The following TAFA1 variants were observed in gnomAD, a reference collection of about 807,000 sequenced individuals.
TAFA1 encodes chemokine-like protein TAFA-1.
Under a neutral mutation model 18.5 loss-of-function variants are expected in TAFA1, and 4 were observed. That is an observed-to-expected ratio of 0.22 (90% confidence interval 0.11 to 0.49). The LOEUF (loss-of-function observed/expected upper bound fraction) is 0.49, where lower values mean the gene tolerates loss of function less well. Ranked by LOEUF, TAFA1 falls within the 20% of genes least tolerant of loss-of-function variation. The probability of loss-of-function intolerance (pLI) is 0.98; values close to 1 mark genes in which losing one functional copy is unlikely to be tolerated. For missense variants in TAFA1, 147 were observed against 169.0 expected (o/e 0.87, Z 0.72); for synonymous variants, 56 against 55.2 (o/e 1.01, Z -0.06).
chr3:68,521,856 GTT>G (rs57372768), intron 3 of TAFA1, among the ~76,000 whole-genome samples: 5 of 70,844 alleles, frequency 7.1e-5, no homozygotes, highest in Admixed American at 4.9e-4. Context: ...GTTTTTTTCT[GTT>G]TTTTTTTTTT....
intron 2 of TAFA1, among the ~76,000 whole-genome samples, chr3:68,292,842 C>T (rs915266344): frequency 1.3e-5 from 2 of 152,130 alleles, no homozygotes; most frequent in Non-Finnish European, 2.9e-5. Flanking sequence ...TGTATCTGGC[C>T]TCTTTTCATT....
At chr3:68,497,322 C>T (rs894448818) in intron 3 of TAFA1, among the ~76,000 whole-genome samples, 1 of 152,036 alleles carries the variant, frequency 6.6e-6, no homozygotes, top group Non-Finnish European at 1.5e-5. Flanking sequence ...ACATGGCAGA[C>T]ATTATGATAG....
intron 3 of TAFA1, among the ~76,000 whole-genome samples, chr3:68,423,983 C>T (rs2071008011): frequency 6.6e-6 from 1 of 151,952 alleles, no homozygotes; most frequent in Non-Finnish European, 1.5e-5. Flanking sequence ...TACTGGATCA[C>T]CAGCAAGAGA....
At chr3:68,441,853 C>T (rs2071388458) in intron 3 of TAFA1, among the ~76,000 whole-genome samples, 1 of 152,194 alleles carries the variant, frequency 6.6e-6, no homozygotes, top group African/African-American at 2.4e-5. Flanking sequence ...TGCAGCACTA[C>T]AGCCCCTTTC....
chr3:68,364,836 T>C (rs1198376828), intron 2 of TAFA1, among the ~76,000 whole-genome samples: 4 of 152,226 alleles, frequency 2.6e-5, no homozygotes, highest in Admixed American at 2.6e-4. Flanking sequence ...GATATGAATA[T>C]TATTTTTATC....
At chr3:68,487,868 G>A (rs1023899720) in intron 3 of TAFA1, among the ~76,000 whole-genome samples, 4 of 148,790 alleles carry the variant, frequency 2.7e-5, no homozygotes, top group African/African-American at 9.9e-5. Context: ...AACATTTAGA[G>A]TGTTGTAGAT....
chr3:68,191,213 AT>A (rs1275097688), intron 2 of TAFA1, among the ~76,000 whole-genome samples: 2 of 151,534 alleles, frequency 1.3e-5, no homozygotes, highest in African/African-American at 4.8e-5. Context: ...TATAATATAT[AT>A]TTTTTCTTTG....
chr3:68,216,879 CAAAATAA>C (rs2066666188), intron 2 of TAFA1, among the ~76,000 whole-genome samples: 1 of 151,972 alleles, frequency 6.6e-6, no homozygotes, highest in South Asian at 2.1e-4. Context: ...AGCCAAAGTA[CAAAATAA>C]ATATCCATTG....
intron 2 of TAFA1, among the ~76,000 whole-genome samples, chr3:68,164,240 C>T (rs1035177841): frequency 9.8e-5 from 15 of 152,320 alleles, no homozygotes; most frequent in East Asian, 5.8e-4. Context: ...GTAGAAACTT[C>T]ACATAGGTCT....
chr3:68,399,258 T>A (rs183670210), intron 2 of TAFA1, among the ~76,000 whole-genome samples: 1 of 152,196 alleles, frequency 6.6e-6, no homozygotes, highest in Non-Finnish European at 1.5e-5. Context: ...AAGAAATGTA[T>A]CCATTTTACA....
chr3:68,470,158 G>A (rs949987217), intron 3 of TAFA1, among the ~76,000 whole-genome samples: 2 of 152,146 alleles, frequency 1.3e-5, no homozygotes, highest in Admixed American at 1.3e-4. Context: ...TCCTGCACAA[G>A]CTCTCTTGCC....
chr3:68,460,720 T>A (rs1466604726), intron 3 of TAFA1, among the ~76,000 whole-genome samples: 1 of 152,144 alleles, frequency 6.6e-6, no homozygotes, highest in African/African-American at 2.4e-5. Flanking sequence ...ACACACAGGT[T>A]GCTTCCTGCC....
chr3:68,030,899 G>C (rs1328588572), intron 2 of TAFA1, among the ~76,000 whole-genome samples: 1 of 152,146 alleles, frequency 6.6e-6, no homozygotes, highest in Middle Eastern at 3.2e-3. Context: ...GAATAGAAAG[G>C]ATGTCCCCTT....
chr3:68,499,415 T>C (rs1421396133), intron 3 of TAFA1, among the ~76,000 whole-genome samples: 1 of 149,026 alleles, frequency 6.7e-6, no homozygotes, highest in East Asian at 2.0e-4. Flanking sequence ...GCTAGCTTGC[T>C]TCTTTGTTTT....
chr3:68,144,149 C>T (rs1270015233), intron 2 of TAFA1, among the ~76,000 whole-genome samples: 1 of 152,142 alleles, frequency 6.6e-6, no homozygotes, highest in East Asian at 1.9e-4. Flanking sequence ...TTGTTAGTAT[C>T]GAGCATCTGC....
intron 2 of TAFA1, among the ~76,000 whole-genome samples, chr3:68,357,710 T>C (rs2069392030): frequency 6.6e-6 from 1 of 151,918 alleles, no homozygotes; most frequent in South Asian, 2.1e-4. Context: ...ATTCTGATTC[T>C]TGTTATGTTG....
At chr3:68,196,592 A>G (rs1466671816) in intron 2 of TAFA1, among the ~76,000 whole-genome samples, 5 of 151,702 alleles carry the variant, frequency 3.3e-5, no homozygotes, top group Admixed American at 3.3e-4. Context: ...GAGAAAAATG[A>G]TGTTGTCATA....
chr3:68,432,608 G>A (rs549861433), intron 3 of TAFA1, among the ~76,000 whole-genome samples: 2 of 152,010 alleles, frequency 1.3e-5, no homozygotes, highest in East Asian at 1.9e-4. Flanking sequence ...AAAGAAGCTG[G>A]TCATGACATA....
At chr3:68,433,657 C>A (rs1271333993) in intron 3 of TAFA1, among the ~76,000 whole-genome samples, 1 of 152,072 alleles carries the variant, frequency 6.6e-6, no homozygotes, top group Admixed American at 6.6e-5. Flanking sequence ...GGGACAAGAT[C>A]AAATCAAAGA....
Sources: gnomAD v4.1 joint callset for allele counts (sites outside exome capture counted in the v4.1 genomes callset) on GRCh38, gnomAD v4.1.1 for gene constraint, MANE v1.5 for transcripts, NCBI Gene and HGNC (gene_info 2026-07-23, HGNC 2026-07-21) for gene names.